The following NEDD4L variants were observed in gnomAD, a reference collection of about 807,000 sequenced individuals.
NEDD4L encodes E3 ubiquitin-protein ligase NEDD4-like.
In NEDD4L, 54 loss-of-function variants were observed where a neutral mutation model predicts 148.9. The observed-to-expected ratio is 0.36, with a 90% CI of 0.29 to 0.45. The LOEUF is 0.45. Ranked by LOEUF, NEDD4L falls within the 20% of genes least tolerant of loss-of-function variation. The probability of loss-of-function intolerance (pLI) is 1.00; values close to 1 mark genes in which losing one functional copy is unlikely to be tolerated. For synonymous variants in NEDD4L, 433 were observed against 440.7 expected (o/e 0.98, Z 0.22); for missense variants, 856 against 1,233.8 (o/e 0.69, Z 4.59).
At chr18:58,351,426 T>A (rs760520143) in intron 18 of NEDD4L, among the ~76,000 whole-genome samples, 2 of 152,262 alleles carry the variant, frequency 1.3e-5, no homozygotes, top group Non-Finnish European at 2.9e-5. Context: ...TGAAGCAGCA[T>A]GTAAGTTTTT....
intron 2 of NEDD4L, chr18:58,195,289 A>G: frequency 1.8e-6 from 1 of 553,662 alleles, no homozygotes; most frequent in Non-Finnish European, 2.8e-6. Context: ...GTTTTGTTGC[A>G]AGGGCAGCAT....
chr18:58,174,895 G>A (rs2037945191), intron 2 of NEDD4L, among the ~76,000 whole-genome samples: 1 of 152,102 alleles, frequency 6.6e-6, no homozygotes, highest in African/African-American at 2.4e-5. Context: ...TGGAAATTTT[G>A]TTTTTTTCTT....
intron 2 of NEDD4L, among the ~76,000 whole-genome samples, chr18:58,184,033 G>T (rs1378674548): frequency 6.6e-6 from 1 of 152,178 alleles, no homozygotes; most frequent in Non-Finnish European, 1.5e-5. Flanking sequence ...GCCAGGCGTG[G>T]TGGCGGGTGC....
intron 2 of NEDD4L, among the ~76,000 whole-genome samples, chr18:58,176,991 G>A (rs548227569): frequency 1.9e-4 from 29 of 152,240 alleles, no homozygotes; most frequent in African/African-American, 6.3e-4. Flanking sequence ...TGCTGGGGTC[G>A]CATTTTGACA....
intron 1 of NEDD4L, among the ~76,000 whole-genome samples, chr18:58,075,539 T>C (rs765732378): frequency 5.9e-5 from 9 of 152,086 alleles, no homozygotes; most frequent in Non-Finnish European, 7.4e-5. Context: ...ATCCTCAAAC[T>C]TGTGGGGTCA....
chr18:58,373,311 G>A (rs1268403516), intron 24 of NEDD4L, 42 bp downstream of exon 24: 2 of 1,195,392 alleles, frequency 1.7e-6, no homozygotes, highest in African/African-American at 3.0e-5. Flanking sequence ...TAGCTTTCAA[G>A]GGGCATTTTT....
chr18:58,046,464 TAAC>T (rs1445209251), intron 1 of NEDD4L: 3 of 152,172 alleles, frequency 2.0e-5, no homozygotes, highest in African/African-American at 7.2e-5. Flanking sequence ...AATGTTTTAA[TAAC>T]ATGATTATTT....
intron 1 of NEDD4L, among the ~76,000 whole-genome samples, chr18:58,114,610 G>T (rs1463959221): frequency 1.3e-5 from 2 of 152,260 alleles, no homozygotes; most frequent in African/African-American, 4.8e-5. Context: ...TCCTGTGGCT[G>T]CTGTAAGGCA....
At chr18:58,077,710 C>G (rs982427493) in intron 1 of NEDD4L, among the ~76,000 whole-genome samples, 4 of 152,158 alleles carry the variant, frequency 2.6e-5, no homozygotes, top group Non-Finnish European at 4.4e-5. Flanking sequence ...GAGCGCTTCC[C>G]GATTACTTCA....
chr18:58,264,557 G>A (rs1170020499), intron 5 of NEDD4L, among the ~76,000 whole-genome samples: 1 of 151,908 alleles, frequency 6.6e-6, no homozygotes, highest in African/African-American at 2.4e-5. Context: ...CCTGTTTATG[G>A]GGGTACATGT....
In NEDD4L at chr18:58,093,253, T is replaced by A. The variant is rs559914002; in HGVS notation, c.48+48545T>A. 3.2e-4 allele frequency among the ~76,000 whole-genome samples: 49 copies of A among 152,320 alleles called. No individual in the cohort carries two copies. In the South Asian group the frequency reaches 6.8e-3, roughly 21 times the overall value. ...GCTAAATATACTGATTTTTAAATTT[T>A]TTTGACATCTAGCATGGTGCATTTC... On this transcript the variant is annotated intron_variant, in intron 1 of 30. Transcript: ENST00000400345.
intron 1 of NEDD4L, among the ~76,000 whole-genome samples, chr18:58,056,894 C>CTTTTTTTTTTTTTTTTTTTTTT (rs74183230): frequency 6.6e-5 from 8 of 121,618 alleles, no homozygotes; most frequent in Non-Finnish European, 6.7e-5. Context: ...GCTATGCCCT[C>CTTTTTTTTTTTTTTTTTTTTTT]TTTTTTTTTT....
At chr18:58,381,501 A>T (rs2048327259) in intron 24 of NEDD4L, among the ~76,000 whole-genome samples, 1 of 152,202 alleles carries the variant, frequency 6.6e-6, no homozygotes, top group Non-Finnish European at 1.5e-5. Context: ...GGGATTGTGG[A>T]TGCTTATCTA....
At chr18:58,352,310 A>G (rs2043992695) in intron 18 of NEDD4L, among the ~76,000 whole-genome samples, 1 of 152,148 alleles carries the variant, frequency 6.6e-6, no homozygotes, top group African/African-American at 2.4e-5. Flanking sequence ...TTTTAAGAGA[A>G]TTTACTAAAA....
At chr18:58,220,636 G>A (rs778476961) in intron 2 of NEDD4L, among the ~76,000 whole-genome samples, 2 of 152,194 alleles carry the variant, frequency 1.3e-5, no homozygotes, top group African/African-American at 4.8e-5. Context: ...AACACTTCGC[G>A]AGTGAGCATG....
intron 8 of NEDD4L, 141 bp from the exon 9 acceptor site, chr18:58,324,855 A>T: frequency 2.8e-6 from 2 of 726,510 alleles, no homozygotes; most frequent in Non-Finnish European, 2.3e-6. Context: ...TTGGGAATTT[A>T]CTCAAATGTG....
chr18:58,217,652 T>C (rs1440677500), intron 2 of NEDD4L, among the ~76,000 whole-genome samples: 6 of 152,148 alleles, frequency 3.9e-5, no homozygotes, highest in African/African-American at 1.4e-4. Context: ...ATCTTAGCAA[T>C]TTTTAAATAA....
At chr18:58,284,998 C>G (rs2149027187) in intron 5 of NEDD4L, among the ~76,000 whole-genome samples, 1 of 152,332 alleles carries the variant, frequency 6.6e-6, no homozygotes, top group South Asian at 2.1e-4. Context: ...CATACTCTCT[C>G]TCATCTACGT....
intron 9 of NEDD4L, among the ~76,000 whole-genome samples, chr18:58,326,783 G>A (rs1246301304): frequency 2.6e-5 from 4 of 152,248 alleles, no homozygotes; most frequent in South Asian, 2.1e-4. Flanking sequence ...GCAGATTAGA[G>A]TTTGTATTTT....
Sources: gnomAD v4.1 joint callset for allele counts (sites outside exome capture counted in the v4.1 genomes callset) on GRCh38, gnomAD v4.1.1 for gene constraint, MANE v1.5 for transcripts, NCBI Gene and HGNC (gene_info 2026-07-23, HGNC 2026-07-21) for gene names.